The following TAB2 variants were observed in gnomAD, a reference collection of about 807,000 sequenced individuals.
TAB2 encodes TGF-beta activated kinase 1 (MAP3K7) binding protein 2, also known as TGF-beta-activated kinase 1 and MAP3K7-binding protein 2.
TAB2 carries 3 observed loss-of-function variants against 65.0 expected under a neutral mutation model. The ratio of observed to expected loss-of-function variants is 0.05; its 90% confidence interval spans 0.02 to 0.12. The LOEUF (loss-of-function observed/expected upper bound fraction) is 0.12. Ranked by LOEUF, TAB2 falls within the 10% of genes least tolerant of loss-of-function variation. TAB2 has a pLI of 1.00. For missense variants in TAB2, 623 were observed against 840.3 expected, an observed-to-expected ratio of 0.74 and a Z score of 3.20; for synonymous variants, 298 against 285.1, an observed-to-expected ratio of 1.05 and a Z score of -0.46.
chr6:149,328,676 G>A (rs1779689439), intron 1 of TAB2, among the ~76,000 whole-genome samples: 1 of 152,160 alleles, frequency 6.6e-6, no homozygotes. Flanking sequence ...TAGGTCAAAG[G>A]GGTGGACAGA....
intron 1 of TAB2, among the ~76,000 whole-genome samples, chr6:149,253,603 G>A (rs1279998597): frequency 8.4e-6 from 1 of 118,978 alleles, no homozygotes; most frequent in South Asian, 2.9e-4. Flanking sequence ...CTGGGTGACA[G>A]AGCAAGACTG....
chr6:149,250,575 A>C (rs1340913268), intron 1 of TAB2, among the ~76,000 whole-genome samples: 1 of 152,178 alleles, frequency 6.6e-6, no homozygotes, highest in African/African-American at 2.4e-5. Context: ...CAAAGTGCTG[A>C]AACTGCAGGC....
chr6:149,253,617 C>CAAAAAAAAAAA, intron 1 of TAB2, among the ~76,000 whole-genome samples: 1 of 65,298 alleles, frequency 1.5e-5, no homozygotes, highest in Non-Finnish European at 2.7e-5. Context: ...AAGACTGTCT[C>CAAAAAAAAAAA]AAAAAAAAAA....
intron 1 of TAB2, among the ~76,000 whole-genome samples, chr6:149,366,003 T>C (rs1286588407): frequency 3.9e-5 from 6 of 152,198 alleles, no homozygotes; most frequent in African/African-American, 1.4e-4. Flanking sequence ...CCAGGCATAT[T>C]TGCACTTAAA....
chr6:149,277,746 G>T (rs896820263), intron 1 of TAB2, among the ~76,000 whole-genome samples: 1 of 152,110 alleles, frequency 6.6e-6, no homozygotes, highest in African/African-American at 2.4e-5. Flanking sequence ...TTCTTATTCA[G>T]ATAAAAAGCA....
intron 1 of TAB2, among the ~76,000 whole-genome samples, chr6:149,269,298 G>A (rs1282178868): frequency 2.0e-5 from 3 of 152,098 alleles, no homozygotes; most frequent in Non-Finnish European, 2.9e-5. Flanking sequence ...CCTATTTGAC[G>A]TGGTAAAAGA....
At chr6:149,315,108 G>C (rs1779227659), upstream of TAB2, among the ~76,000 whole-genome samples, 1 of 152,126 alleles carries the variant, frequency 6.6e-6, no homozygotes, top group Non-Finnish European at 1.5e-5. Context: ...TCAGAACAGA[G>C]GGACAGTTCC....
At chr6:149,240,380 G>T (rs369286977) in intron 1 of TAB2, among the ~76,000 whole-genome samples, 4 of 152,094 alleles carry the variant, frequency 2.6e-5, no homozygotes, top group African/African-American at 9.7e-5. Flanking sequence ...GAAACAAGGG[G>T]GACATTTCTG....
intron 1 of TAB2, chr6:149,230,296 A>C (rs1777376816): frequency 6.6e-6 from 1 of 152,248 alleles, no homozygotes; most frequent in African/African-American, 2.4e-5. Context: ...TAGTCAGGAC[A>C]CAGACAGTGA....
chr6:149,302,587 G>A (rs985487324), intron 1 of TAB2, among the ~76,000 whole-genome samples: 11 of 152,188 alleles, frequency 7.2e-5, no homozygotes, highest in Non-Finnish European at 1.5e-4. Context: ...TCCTTCATGG[G>A]AATTGTAGAC....
intron 1 of TAB2, among the ~76,000 whole-genome samples, chr6:149,332,555 A>G (rs1378003390): frequency 6.6e-6 from 1 of 152,190 alleles, no homozygotes; most frequent in African/African-American, 2.4e-5. Flanking sequence ...GGCTGTTAAC[A>G]GTGGTCATCT....
At chr6:149,289,626 C>T (rs9498294) in intron 1 of TAB2, among the ~76,000 whole-genome samples, 47,309 of 152,030 alleles carry the variant, frequency 0.31, 7,580 homozygotes, top group African/African-American at 0.35. Context: ...CCTTGCTGGG[C>T]CTATGCCCGG....
chr6:149,306,613 G>C (rs1779077128), intron 1 of TAB2, among the ~76,000 whole-genome samples: 1 of 151,988 alleles, frequency 6.6e-6, no homozygotes, highest in South Asian at 2.1e-4. Context: ...TTAGCCGGGT[G>C]TAGTGGCGCA....
rs1201098673 is a variant in TAB2, at chr6:149,410,018, G to C, written c.*299G>C. On this transcript the variant is annotated 3_prime_UTR_variant, in exon 7 of 7. Coordinates refer to ENST00000637181, the MANE Select transcript of TAB2 (RefSeq NM_001292034.3). ...ATAATTCTCAATATGTTAACACCTAGGTGTTCCCAATACCTTTTTCCCCTC... is the reference window on the plus strand; with the variant it reads ...ATAATTCTCAATATGTTAACACCTACGTGTTCCCAATACCTTTTTCCCCTC... 7.1e-6 allele frequency: 3 copies of C among 423,610 alleles called. No homozygotes were observed. The highest frequency in any genetic ancestry group is 6.0e-5 in the African/African-American group (3 of 50,038). 26.2% of individuals were successfully genotyped at this position (423,610 alleles called of 1,614,324 possible).
In TAB2 at chr6:149,379,351, G is replaced by C. The variant is rs1460934168; in HGVS notation, c.1436G>C (p.Gly479Ala). Residue 479 changes from glycine to alanine, a missense_variant, in exon 3 of 7, where the codon GGG becomes GCG. Gly to Ala is a moderately conservative substitution (Grantham distance 60, BLOSUM62 0). Around this residue, in one of 3 missense-constraint regions of TAB2, gnomAD observed 550 missense variants for 665.7 expected, o/e 0.83. Coordinates refer to ENST00000637181, the MANE Select transcript of TAB2 (RefSeq NM_001292034.3). The part of the protein sequence containing the change: ...SPNKPPAVSP[G>A]VVSPTFELTN... Reference sequence around the variant, plus strand: ...AATAAGCCCCCTGCAGTTTCACCAGGGGTGGTGTCCCCTACCTTTGAACTT... The same window carrying C: ...AATAAGCCCCCTGCAGTTTCACCAGCGGTGGTGTCCCCTACCTTTGAACTT... 1 of 1,614,024 alleles carries C rather than the reference G, an allele frequency of 6.2e-7. No homozygotes were observed. The highest frequency in any genetic ancestry group is 1.7e-5 in the Admixed American group (1 of 59,998).
chr6:149,274,186 A>G (rs1055003571), intron 1 of TAB2, among the ~76,000 whole-genome samples: 1 of 152,206 alleles, frequency 6.6e-6, no homozygotes, highest in African/African-American at 2.4e-5. Flanking sequence ...ATAATATCGC[A>G]TTAGAATTGC....
At chr6:149,295,782 T>G (rs1372198676) in intron 1 of TAB2, among the ~76,000 whole-genome samples, 1 of 152,184 alleles carries the variant, frequency 6.6e-6, no homozygotes, top group Non-Finnish European at 1.5e-5. Context: ...TTTTTTCTTC[T>G]TCTTTTTTGA....
intron 6 of TAB2, chr6:149,400,258 AG>A: frequency 2.1e-6 from 2 of 954,424 alleles, no homozygotes; most frequent in Non-Finnish European, 3.1e-6. Context: ...GAGGGAGCCC[AG>A]GATGTGCACG....
intron 1 of TAB2, among the ~76,000 whole-genome samples, chr6:149,237,695 A>G (rs1777520877): frequency 6.6e-6 from 1 of 152,076 alleles, no homozygotes; most frequent in African/African-American, 2.4e-5. Context: ...CTCTCCTGGA[A>G]CACCCCAGGG....
Sources: gnomAD v4.1 joint callset for allele counts (sites outside exome capture counted in the v4.1 genomes callset) on GRCh38, gnomAD v4.1.1 for gene constraint, gnomAD v4.1.1 regional missense constraint, MANE v1.5 for transcripts, NCBI Gene and HGNC (gene_info 2026-07-23, HGNC 2026-07-21) for gene names.